The following RPTOR variants were observed in gnomAD, a reference collection of about 807,000 sequenced individuals.
The protein encoded by RPTOR is regulatory associated protein of MTOR complex 1.
Under a neutral mutation model 169.9 loss-of-function variants are expected in RPTOR, and 21 were observed. That is an observed-to-expected ratio of 0.12 (90% CI 0.09 to 0.18). The LOEUF (loss-of-function observed/expected upper bound fraction) is 0.18, where lower values mean the gene tolerates loss of function less well. RPTOR is among the 10% of genes least tolerant of loss of function. The pLI is 1.00. For missense variants in RPTOR, 1,133 were observed against 1,855.9 expected (o/e 0.61, Z 7.16); for synonymous variants, 732 against 753.2 (o/e 0.97, Z 0.46).
At position 80,746,394 on chromosome 17, in the gene RPTOR, G is replaced by A. The variant is rs2066575628; in HGVS notation, c.655-7616G>A. Among the ~76,000 whole-genome samples the A allele has an allele frequency of 6.6e-6, 1 of 152,172 alleles. No individual in the cohort carries two copies. Among genetic ancestry groups the A allele is most frequent in the African/African-American group, 2.4e-5 (1 of 41,440 alleles). On this transcript the variant is annotated intron_variant, in intron 5 of 33. Coordinates refer to ENST00000306801, the MANE Select transcript of RPTOR (RefSeq NM_020761.3). The surrounding 1 kb of genome is among the most constrained non-coding windows in gnomAD (Gnocchi z 4.5). The stretch of plus-strand genomic sequence containing the variant: ...CTGCAGGGAGCGGACGGCAGGCCTG[G>A]GGCGTGCTGCCCGCTTACCTCATGA...
At chr17:80,893,328 G>A (rs1323332160) in intron 19 of RPTOR, among the ~76,000 whole-genome samples, 13 of 134,922 alleles carry the variant, frequency 9.6e-5, no homozygotes, top group African/African-American at 2.5e-4. Context: ...GTGTGCGCGC[G>A]CCAGGTGTGT....
rs1353031566 is a variant in RPTOR at position 80,959,238 on chromosome 17, C to A, written c.3478-840C>A. On this transcript the variant is annotated intron_variant, in intron 29 of 33. Coordinates refer to ENST00000306801, the MANE Select transcript of RPTOR (RefSeq NM_020761.3). The surrounding 1 kb of genome is among the most constrained non-coding windows in gnomAD (Gnocchi z 6.7). ...TTCTTTGGGGTGGGGGGGTCTTGCA[C>A]CTGTCTGGAGCTGTGGCTCCACACG... Among the ~76,000 whole-genome samples, 1 of 152,210 alleles carries A rather than the reference C, an allele frequency of 6.6e-6. No homozygotes were observed. The highest frequency in any genetic ancestry group is 1.5e-5 in the Non-Finnish European group (1 of 68,040).
At chr17:80,857,961 C>G in intron 13 of RPTOR, 61 bp downstream of exon 13, 5 of 1,303,652 alleles carry the variant, frequency 3.8e-6, no homozygotes, top group Admixed American at 1.7e-5. Context: ...CTGGGGATGC[C>G]GAGCCCTGCG....
rs373313321 is a variant in RPTOR, at chr17:80,965,908, G to A, written c.*1578G>A. The A allele has an allele frequency of 4.7e-5, 11 of 233,232 alleles. No individual in the cohort carries two copies. Among genetic ancestry groups the A allele is most frequent in the Admixed American group, 3.4e-4 (6 of 17,792 alleles). 14.4% of individuals were successfully genotyped at this position (233,232 alleles called of 1,614,324 possible). On this transcript the variant is annotated 3_prime_UTR_variant, in exon 34 of 34. Transcript: ENST00000306801. ...CACGTCTGGGCCGAGAAAGCAGCCC[G>A]GGTCCGGAAGGTGTAGAGAGTCCCG...
At chr17:80,676,055 G>A (rs578246430) in intron 3 of RPTOR, among the ~76,000 whole-genome samples, 1 of 152,298 alleles carries the variant, frequency 6.6e-6, no homozygotes, top group East Asian at 1.9e-4. Flanking sequence ...AGTATCAAGT[G>A]TAGCCATTTC....
chr17:80,700,745 G>A (rs966047993), intron 3 of RPTOR, among the ~76,000 whole-genome samples: 2,524 of 22,400 alleles, frequency 0.11, 38 homozygotes, highest in Non-Finnish European at 0.13. Flanking sequence ...GGTGGTGGTG[G>A]TGGTGGTGAT....
At position 80,627,836 on chromosome 17, in the gene RPTOR, A is replaced by AT. The variant is rs34155053; in HGVS notation, c.265+2061dup. ...GCTCATATGTTAAGCGTATGTTTAAATTTTTTTTTTTTTTTTTTGAGATGG... is the reference window on the plus strand; with the variant it reads ...GCTCATATGTTAAGCGTATGTTTAAATTTTTTTTTTTTTTTTTTTGAGATGG... On this transcript the variant is annotated intron_variant, in intron 2 of 33. Coordinates refer to ENST00000306801, the MANE Select transcript of RPTOR (RefSeq NM_020761.3). 2.3e-3 allele frequency among the ~76,000 whole-genome samples: 322 copies of AT among 139,656 alleles called. 1 individual carries two copies. The highest frequency in any genetic ancestry group is 3.7e-3 in the Middle Eastern group (1 of 270). 91.6% of individuals were successfully genotyped at this position (139,656 alleles called of 152,430 possible).
At chr17:80,911,202 ATTCTGCACCGGCCTCCCC>A (rs1478311520) in intron 21 of RPTOR, among the ~76,000 whole-genome samples, 1 of 152,252 alleles carries the variant, frequency 6.6e-6, no homozygotes, top group African/African-American at 2.4e-5. Flanking sequence ...AGATTGTTTA[ATTCTGCACCGGCCTCCCC>A]TCCTGCAGCG....
At chr17:80,569,985 C>G (rs1411227618) in intron 1 of RPTOR, among the ~76,000 whole-genome samples, 1 of 152,144 alleles carries the variant, frequency 6.6e-6, no homozygotes, top group African/African-American at 2.4e-5. Flanking sequence ...CACGCCCTGC[C>G]TTGCCTTCAG....
intron 4 of RPTOR, among the ~76,000 whole-genome samples, chr17:80,720,391 A>G (rs2066275127): frequency 6.6e-6 from 1 of 152,244 alleles, no homozygotes; most frequent in African/African-American, 2.4e-5. Context: ...GACCACAATT[A>G]TCATTTGTTA....
In RPTOR at chr17:80,923,284, C is replaced by T. The variant is rs115395025; in HGVS notation, c.2625-206C>T. Among the ~76,000 whole-genome samples the T allele has an allele frequency of 4.1e-3, 619 of 152,292 alleles. 9 individuals are homozygous for T. The highest frequency in any genetic ancestry group is 0.014 in the African/African-American group (596 of 41,560). ...GAGTTCAATGAGGGACAACCCTGCC[C>T]CCTGCCAGGCGGGCAACCGAGCAGC... is the stretch of plus-strand genomic sequence containing the variant. On this transcript the variant is annotated intron_variant, in intron 22 of 33. Transcript: ENST00000306801.
At chr17:80,546,835 A>ACATG (rs1187892876) in intron 1 of RPTOR, among the ~76,000 whole-genome samples, 3 of 152,124 alleles carry the variant, frequency 2.0e-5, no homozygotes, top group African/African-American at 7.2e-5. Flanking sequence ...AGGCCTCCCA[A>ACATG]AGGCAGGCGG....
At chr17:80,894,111 GTT>G (rs200047311) in intron 20 of RPTOR, among the ~76,000 whole-genome samples, 4,366 of 152,336 alleles carry the variant, frequency 0.029, 134 homozygotes, top group African/African-American at 0.073. Context: ...GAGCTGGCCA[GTT>G]TGGCTGGGTG....
chr17:80,840,681 C>T lies in RPTOR; in HGVS notation c.1212+2684C>T, dbSNP rs569937272. On this transcript the variant is annotated intron_variant, in intron 10 of 33. Transcript: ENST00000306801. ...CACACCACAGCTCACTCTCACCACACGGCAGCTCACTCTCACCACACGGCA... is the reference window on the plus strand; with the variant it reads ...CACACCACAGCTCACTCTCACCACATGGCAGCTCACTCTCACCACACGGCA... Among the ~76,000 whole-genome samples the T allele has an allele frequency of 4.6e-3, 494 of 108,480 alleles. 3 individuals are homozygous for T. The highest frequency in any genetic ancestry group is 0.015 in the African/African-American group (470 of 31,034). 71.2% of individuals were successfully genotyped at this position (108,480 alleles called of 152,430 possible).
Position 80,964,443 on chromosome 17 carries a change from C to A in RPTOR, c.*113C>A. 2.0e-6 allele frequency: 2 copies of A among 1,002,698 alleles called. No individual in the cohort carries two copies. Among genetic ancestry groups the A allele is most frequent in the South Asian group, 1.3e-5 (1 of 76,084 alleles). 62.1% of individuals were successfully genotyped at this position (1,002,698 alleles called of 1,614,324 possible). On this transcript the variant is annotated 3_prime_UTR_variant, in exon 34 of 34. Coordinates refer to ENST00000306801, the MANE Select transcript of RPTOR (RefSeq NM_020761.3). ...GGCCCCGCAGTGTGAACGTTGGCTGCTGCCTTAGCTGCTGATGACGGCAGG... is the reference window on the plus strand; with the variant it reads ...GGCCCCGCAGTGTGAACGTTGGCTGATGCCTTAGCTGCTGATGACGGCAGG...
At position 80,932,630 on chromosome 17, in the gene RPTOR, C is replaced by G. The variant is rs144183572; in HGVS notation, c.2919+7150C>G. Among the ~76,000 whole-genome samples the G allele has an allele frequency of 1.9e-3, 293 of 152,202 alleles. 2 individuals carry two copies. Among genetic ancestry groups the G allele is most frequent in the African/African-American group, 6.7e-3 (279 of 41,526 alleles). ...ACCTCAAATAGCCAAGGAAAAAAATCAGTGAATTTAAAGACAGGTCTATAG... is the reference window on the plus strand; with the variant it reads ...ACCTCAAATAGCCAAGGAAAAAAATGAGTGAATTTAAAGACAGGTCTATAG... On this transcript the variant is annotated intron_variant, in intron 24 of 33. Coordinates refer to ENST00000306801, the MANE Select transcript of RPTOR (RefSeq NM_020761.3).
At chr17:80,926,734 T>C (rs1035717058) in intron 24 of RPTOR, among the ~76,000 whole-genome samples, 1 of 152,252 alleles carries the variant, frequency 6.6e-6, no homozygotes, top group Non-Finnish European at 1.5e-5. Context: ...ACAGCCGTGC[T>C]TCTCATACAG....
At chr17:80,893,270 GCGTGTGTA>G (rs2068349949) in intron 19 of RPTOR, among the ~76,000 whole-genome samples, 3 of 151,214 alleles carry the variant, frequency 2.0e-5, no homozygotes, top group African/African-American at 7.3e-5. Context: ...GCGCCAGGGT[GCGTGTGTA>G]CCAGGGTGTG....
intron 21 of RPTOR, among the ~76,000 whole-genome samples, chr17:80,911,770 G>C (rs1218360900): frequency 1.3e-5 from 2 of 152,206 alleles, no homozygotes; most frequent in Admixed American, 6.5e-5. Context: ...GGGCGGCAGA[G>C]TGAGACCGTG....
Sources: gnomAD v4.1 joint callset for allele counts (sites outside exome capture counted in the v4.1 genomes callset) on GRCh38, gnomAD v4.1.1 for gene constraint, Gnocchi (gnomAD v3.1) non-coding constraint, MANE v1.5 for transcripts, NCBI Gene and HGNC (gene_info 2026-07-23, HGNC 2026-07-21) for gene names.